The following BRINP3 variants were observed in gnomAD, a reference collection of about 807,000 sequenced individuals.
BRINP3 encodes BMP/retinoic acid-inducible neural-specific protein 3.
A neutral mutation model predicts 71.0 loss-of-function variants in BRINP3; 19 were observed. The ratio of observed to expected loss-of-function variants is 0.27; its 90% CI spans 0.19 to 0.39. The LOEUF (loss-of-function observed/expected upper bound fraction) is 0.39. Ranked by LOEUF, BRINP3 falls within the 10% of genes least tolerant of loss-of-function variation. BRINP3 has a pLI of 1.00. For missense variants in BRINP3, 959 were observed against 940.8 expected (o/e 1.02, Z -0.25); for synonymous variants, 380 against 337.7 (o/e 1.13, Z -1.37).
chr1:190,239,860 C>A (rs545938022), intron 4 of BRINP3, among the ~76,000 whole-genome samples: 2 of 151,762 alleles, frequency 1.3e-5, no homozygotes, highest in East Asian at 3.9e-4. Context: ...AATATAGTTT[C>A]GCAAAAAGAA....
intron 7 of BRINP3, among the ~76,000 whole-genome samples, chr1:190,132,364 C>G (rs922043386): frequency 1.3e-5 from 2 of 151,872 alleles, no homozygotes; most frequent in Admixed American, 1.3e-4. Flanking sequence ...TTACAATTTT[C>G]GTAGTGTATT....
chr1:190,461,101 A>G (rs1185148905), intron 1 of BRINP3, among the ~76,000 whole-genome samples: 3 of 152,140 alleles, frequency 2.0e-5, no homozygotes, highest in South Asian at 2.1e-4. Context: ...ACCCCCAATT[A>G]TGTAATGACT....
chr1:190,311,806 G>A (rs1004706511), intron 2 of BRINP3, among the ~76,000 whole-genome samples: 7 of 150,444 alleles, frequency 4.7e-5, no homozygotes, highest in African/African-American at 1.7e-4. Flanking sequence ...AGAGAGAGTG[G>A]AGAAATAAAA....
intron 2 of BRINP3, among the ~76,000 whole-genome samples, chr1:190,367,272 A>G (rs753660674): frequency 4.5e-4 from 69 of 152,182 alleles, no homozygotes; most frequent in Admixed American, 1.6e-3. Context: ...CAGGCCCAGT[A>G]TAATGTGAAA....
chr1:190,154,225 G>A (rs945789232), intron 7 of BRINP3: 9 of 187,916 alleles, frequency 4.8e-5, no homozygotes, highest in African/African-American at 2.1e-4. Flanking sequence ...TGCAAGGAAG[G>A]TATACAGGTG....
At chr1:190,177,231 C>T (rs185944365) in intron 6 of BRINP3, among the ~76,000 whole-genome samples, 4 of 142,678 alleles carry the variant, frequency 2.8e-5, no homozygotes, top group Admixed American at 2.2e-4. Flanking sequence ...GGCGCGGTCT[C>T]CACTCACTGC....
At chr1:190,432,695 A>T (rs1328584405) in intron 2 of BRINP3, among the ~76,000 whole-genome samples, 1 of 152,172 alleles carries the variant, frequency 6.6e-6, no homozygotes, top group East Asian at 1.9e-4. Context: ...TAGAGGCATG[A>T]TCCTGTTTTC....
At chr1:190,252,564 C>A (rs1244722812) in intron 4 of BRINP3, among the ~76,000 whole-genome samples, 2 of 152,012 alleles carry the variant, frequency 1.3e-5, no homozygotes, top group African/African-American at 4.8e-5. Flanking sequence ...CTAATTTTAG[C>A]AATCTGGAAC....
At chr1:190,302,195 C>A (rs181027166) in intron 2 of BRINP3, among the ~76,000 whole-genome samples, 1 of 149,168 alleles carries the variant, frequency 6.7e-6, no homozygotes, top group African/African-American at 2.4e-5. Flanking sequence ...TACAGTCCAC[C>A]TTGGTGTTGC....
chr1:190,326,259 A>G (rs1368087585), intron 2 of BRINP3, among the ~76,000 whole-genome samples: 2 of 152,168 alleles, frequency 1.3e-5, no homozygotes, highest in African/African-American at 4.8e-5. Flanking sequence ...TTAAAAATGA[A>G]CAAAGTATTT....
chr1:190,141,518 C>T (rs1347324466), intron 7 of BRINP3, among the ~76,000 whole-genome samples: 1 of 145,090 alleles, frequency 6.9e-6, no homozygotes, highest in Non-Finnish European at 1.5e-5. Flanking sequence ...CTCTTTCTTT[C>T]TCTTTTTCTT....
At chr1:190,289,839 T>A (rs1663724787) in intron 2 of BRINP3, among the ~76,000 whole-genome samples, 2 of 152,030 alleles carry the variant, frequency 1.3e-5, no homozygotes, top group Non-Finnish European at 2.9e-5. Flanking sequence ...CCTCTTGTTA[T>A]ATGCACTCGT....
Position 190,268,392 on chromosome 1 carries a change from C to T in BRINP3, c.428-3337G>A, listed in dbSNP as rs1351310210. Reference sequence around the variant, plus strand: ...GGGATTGCTGCCATGAGCCACTCCACCTTGTAAATACTTCTTTAAAGAAGT... The same window carrying T: ...GGGATTGCTGCCATGAGCCACTCCATCTTGTAAATACTTCTTTAAAGAAGT... On this transcript the variant is annotated intron_variant, in intron 3 of 7. Coordinates refer to ENST00000367462, the MANE Select transcript of BRINP3 (RefSeq NM_199051.3). 2.6e-5 allele frequency among the ~76,000 whole-genome samples: 4 copies of T among 152,084 alleles called. No individual in the cohort carries two copies. In the East Asian group the frequency reaches 7.7e-4, roughly 29 times the overall value.
chr1:190,326,958 A>G (rs183696412), intron 2 of BRINP3, among the ~76,000 whole-genome samples: 66 of 151,908 alleles, frequency 4.3e-4, no homozygotes, highest in African/African-American at 1.6e-3. Context: ...ATCAGTATCA[A>G]CCTTGAATGT....
chr1:190,318,591 T>A (rs1666036507), intron 2 of BRINP3, among the ~76,000 whole-genome samples: 1 of 152,088 alleles, frequency 6.6e-6, no homozygotes, highest in Admixed American at 6.6e-5. Context: ...AAGGTTTTGA[T>A]TATTATAATG....
intron 6 of BRINP3, among the ~76,000 whole-genome samples, chr1:190,219,578 G>A (rs1018362445): frequency 2.0e-5 from 3 of 151,982 alleles, no homozygotes; most frequent in Admixed American, 1.3e-4. Context: ...GGTGGCTCAC[G>A]CCTGTAATCC....
intron 4 of BRINP3, among the ~76,000 whole-genome samples, chr1:190,256,048 G>A (rs547102511): frequency 1.3e-5 from 2 of 152,324 alleles, no homozygotes; most frequent in African/African-American, 4.8e-5. Flanking sequence ...TCAGGAGCCA[G>A]TTGTTCAGTT....
intron 2 of BRINP3, among the ~76,000 whole-genome samples, chr1:190,375,117 A>AT (rs780712796): frequency 5.3e-5 from 8 of 152,110 alleles, no homozygotes; most frequent in South Asian, 2.1e-4. Context: ...AATAAAAGGT[A>AT]TTTTTTGTAG....
intron 2 of BRINP3, among the ~76,000 whole-genome samples, chr1:190,314,888 T>C (rs111594162): frequency 5.3e-5 from 8 of 152,238 alleles, no homozygotes; most frequent in African/African-American, 1.7e-4. Context: ...GCTGAGAGTA[T>C]GCTGAAGGTA....
Sources: gnomAD v4.1 joint callset for allele counts (sites outside exome capture counted in the v4.1 genomes callset) on GRCh38, gnomAD v4.1.1 for gene constraint, MANE v1.5 for transcripts, NCBI Gene and HGNC (gene_info 2026-07-23, HGNC 2026-07-21) for gene names.